ANXA10: variants seen among roughly 807,000 people sequenced by gnomAD.
ANXA10 encodes the protein annexin A10, also known as annexin 14.
ANXA10 carries 49 observed loss-of-function variants against 53.5 expected under a neutral mutation model. That is an observed-to-expected ratio of 0.92 (90% confidence interval 0.73 to 1.16). The LOEUF (loss-of-function observed/expected upper bound fraction) is 1.16. Ranked by LOEUF, ANXA10 falls within the 50% of genes most tolerant of loss-of-function variation. The pLI is 0.00. For synonymous variants in ANXA10, 131 were observed against 128.9 expected (o/e 1.02, Z -0.11); for missense variants, 393 against 394.4 (o/e 1.00, Z 0.03).
At chr4:168,146,928 TG>T (rs1731416020) in intron 3 of ANXA10, among the ~76,000 whole-genome samples, 1 of 152,256 alleles carries the variant, frequency 6.6e-6, no homozygotes, top group African/African-American at 2.4e-5. Flanking sequence ...ATTCTTTTTT[TG>T]TTCTGCACAG....
intron 3 of ANXA10, among the ~76,000 whole-genome samples, chr4:168,144,267 A>C (rs1731372770): frequency 6.6e-6 from 1 of 151,858 alleles, no homozygotes; most frequent in African/African-American, 2.4e-5. Flanking sequence ...GCTCACTGCA[A>C]CCTCCACCTC....
rs576842479 is a variant in ANXA10, at chr4:168,183,748, T to C, written c.784-811T>C. The stretch of plus-strand genomic sequence containing the variant: ...TGAACCAAAGATATATTCTGTGTTC[T>C]CCTCCAGTGAACTCTAAAGTGAACG... On this transcript the variant is annotated intron_variant, in intron 10 of 11. Transcript: ENST00000359299. Among the ~76,000 whole-genome samples, 3 of 152,356 alleles carry C rather than the reference T, an allele frequency of 2.0e-5. No individual in the cohort carries two copies. In the East Asian group the frequency reaches 5.8e-4, roughly 29 times the overall value.
At chr4:168,121,018 A>G (rs1730977323) in intron 1 of ANXA10, among the ~76,000 whole-genome samples, 1 of 152,034 alleles carries the variant, frequency 6.6e-6, no homozygotes, top group Admixed American at 6.6e-5. Context: ...CATTCAATAT[A>G]TTTCTGTTAC....
At chr4:168,175,610 C>T (rs1273866406) in intron 6 of ANXA10, among the ~76,000 whole-genome samples, 1 of 152,158 alleles carries the variant, frequency 6.6e-6, no homozygotes, top group Non-Finnish European at 1.5e-5. Context: ...GAAGATAACA[C>T]CCATAGTCCT....
chr4:168,093,873 T>C (rs1730501671), intron 1 of ANXA10, among the ~76,000 whole-genome samples: 4 of 152,204 alleles, frequency 2.6e-5, no homozygotes, highest in African/African-American at 9.7e-5. Context: ...TCACTGTTAG[T>C]TTAACAATCT....
rs1226322650 is a variant in ANXA10 at position 168,165,430 on chromosome 4, T to C, written c.480+104T>C. 3 of 509,882 alleles carry C rather than the reference T, an allele frequency of 5.9e-6. No individual in the cohort carries two copies. In the Admixed American group the frequency reaches 1.2e-4, roughly 20 times the overall value. 31.6% of individuals were successfully genotyped at this position (509,882 alleles called of 1,614,324 possible). On this transcript the variant is annotated intron_variant, in intron 6 of 11. Transcript: ENST00000359299. ...AATAGAACAGAAAACTCCAGTATATTACAGTTCAATAGTAAATTCTGTGTA... is the reference window on the plus strand; with the variant it reads ...AATAGAACAGAAAACTCCAGTATATCACAGTTCAATAGTAAATTCTGTGTA...
At chr4:168,106,448 T>C (rs534121075) in intron 1 of ANXA10, among the ~76,000 whole-genome samples, 1 of 152,222 alleles carries the variant, frequency 6.6e-6, no homozygotes, top group East Asian at 1.9e-4. Flanking sequence ...CATGGAACTC[T>C]TGGAAGAAAA....
At chr4:168,182,284 T>G (rs1270566523) in intron 10 of ANXA10, among the ~76,000 whole-genome samples, 3 of 151,068 alleles carry the variant, frequency 2.0e-5, no homozygotes, top group Non-Finnish European at 4.4e-5. Context: ...CATACTTCAG[T>G]GTGTTATTCA....
chr4:168,120,558 G>A (rs1237143312), intron 1 of ANXA10, among the ~76,000 whole-genome samples: 1 of 151,908 alleles, frequency 6.6e-6, no homozygotes, highest in Non-Finnish European at 1.5e-5. Flanking sequence ...TATGGTAATG[G>A]TACAGAATGT....
intron 11 of ANXA10, 45 bp downstream of exon 11, chr4:168,184,726 T>C (rs1372589990): frequency 6.2e-7 from 1 of 1,601,370 alleles, no homozygotes; most frequent in Non-Finnish European, 8.5e-7. Flanking sequence ...ATTTTCTCCT[T>C]TTTGAAACTG....
intron 3 of ANXA10, among the ~76,000 whole-genome samples, chr4:168,161,481 A>C (rs932075749): frequency 1.4e-4 from 21 of 152,234 alleles, no homozygotes; most frequent in African/African-American, 5.1e-4. Context: ...TATAGTTTGC[A>C]GTTGGGTAGT....
In ANXA10 at chr4:168,092,648, T is replaced by C; in HGVS notation, c.-53T>C. ...CTTTCTGGCTTCACAGTGAAACAAG[T>C]TTATGCAATCGATCAAATATTTTCA... On this transcript the variant is annotated 5_prime_UTR_variant, in exon 1 of 12. Transcript: ENST00000359299. The C allele has an allele frequency of 6.5e-7, 1 of 1,548,120 alleles. No individual in the cohort carries two copies. The highest frequency in any genetic ancestry group is 1.2e-5 in the South Asian group (1 of 84,562).
chr4:168,176,822 G>A lies in ANXA10; in HGVS notation c.481-918G>A, dbSNP rs187605492. 1.9e-4 allele frequency among the ~76,000 whole-genome samples: 29 copies of A among 151,840 alleles called. No homozygotes were observed. In the East Asian group the frequency reaches 5.6e-3, roughly 30 times the overall value. ...TCAAGACCAGCCTTGTCAACATGGC[G>A]AGATCCTCTTTTTGAGAAAAAAAAA... On this transcript the variant is annotated intron_variant, in intron 6 of 11. Transcript: ENST00000359299.
chr4:168,176,645 C>T (rs1444631036), intron 6 of ANXA10, among the ~76,000 whole-genome samples: 1 of 152,102 alleles, frequency 6.6e-6, no homozygotes, highest in Admixed American at 6.6e-5. Context: ...GTGTTTAAGA[C>T]CTCTCTGTGC....
At position 168,156,198 on chromosome 4, in the gene ANXA10, A is replaced by ATATTATATTATATATTATATATT. The variant is rs1491176698; in HGVS notation, c.196-6330_196-6329insTATTATATTATATATTATATATT. Among the ~76,000 whole-genome samples, 11 of 12,038 alleles carry ATATTATATTATATATTATATATT rather than the reference A, an allele frequency of 9.1e-4. 1 individual carries two copies. The highest frequency in any genetic ancestry group is 6.6e-3 in the Admixed American group (4 of 602). 7.9% of individuals were successfully genotyped at this position (12,038 alleles called of 152,430 possible). ...ATATTATATATTATATATTATATAT[A>ATATTATATTATATATTATATATT]ATATATATTATATTATATGTAATAT... On this transcript the variant is annotated intron_variant, in intron 3 of 11. Transcript: ENST00000359299.
intron 3 of ANXA10, among the ~76,000 whole-genome samples, chr4:168,156,080 T>C (rs28972634): frequency 1.4e-5 from 1 of 71,202 alleles, no homozygotes; most frequent in Non-Finnish European, 2.4e-5. Flanking sequence ...TTATATATAT[T>C]ATATATAATA....
chr4:168,130,112 A>G (rs1413934826), intron 2 of ANXA10, among the ~76,000 whole-genome samples: 3 of 152,134 alleles, frequency 2.0e-5, no homozygotes, highest in Non-Finnish European at 4.4e-5. Context: ...AGGATTTTTG[A>G]AAACGTTCAT....
intron 1 of ANXA10, among the ~76,000 whole-genome samples, chr4:168,094,228 T>C (rs1730508487): frequency 6.6e-6 from 1 of 152,158 alleles, no homozygotes; most frequent in African/African-American, 2.4e-5. Context: ...TTAAATGCAA[T>C]TATTTGCTAT....
chr4:168,141,383 C>A (rs1431239959), intron 3 of ANXA10, among the ~76,000 whole-genome samples: 1 of 152,176 alleles, frequency 6.6e-6, no homozygotes, highest in Non-Finnish European at 1.5e-5. Context: ...TCATTTTGTG[C>A]CCAGACTAAT....
Sources: allele counts gnomAD v4.1 joint callset (sites outside exome capture counted in the v4.1 genomes callset), GRCh38; gene constraint gnomAD v4.1.1; transcripts MANE v1.5; gene names NCBI Gene and HGNC (gene_info 2026-07-23, HGNC 2026-07-21).